Variants in SORCS2 observed in about 807,000 individuals in gnomAD.
The protein encoded by SORCS2 is sortilin related VPS10 domain containing receptor 2.
Under a neutral mutation model 141.6 loss-of-function variants are expected in SORCS2, and 100 were observed. The ratio of observed to expected loss-of-function variants is 0.71; its 90% CI spans 0.60 to 0.83. SORCS2 has a LOEUF of 0.83. Ranked by LOEUF, SORCS2 falls within the 40% of genes least tolerant of loss-of-function variation. The pLI, the probability that SORCS2 is intolerant of heterozygous loss-of-function variation, is 0.00. For synonymous variants in SORCS2, 789 were observed against 676.9 expected (o/e 1.17, Z -2.57); for missense variants, 1,646 against 1,560.2 (o/e 1.05, Z -0.93).
chr4:7,379,765 T>A (rs1190519404), intron 1 of SORCS2, among the ~76,000 whole-genome samples: 4 of 152,218 alleles, frequency 2.6e-5, no homozygotes, highest in Admixed American at 6.5e-5. Context: ...GTTTGTCAGA[T>A]TTATTCCAAG....
At chr4:7,632,426 A>C (rs1719951829) in intron 3 of SORCS2, among the ~76,000 whole-genome samples, 1 of 152,198 alleles carries the variant, frequency 6.6e-6, no homozygotes, top group Non-Finnish European at 1.5e-5. Context: ...TCCGCCTGGC[A>C]CGATGCTAAT....
intron 1 of SORCS2, among the ~76,000 whole-genome samples, chr4:7,280,246 C>T (rs1202672694): frequency 6.6e-6 from 1 of 152,048 alleles, no homozygotes; most frequent in Non-Finnish European, 1.5e-5. Flanking sequence ...CAGGAAATCA[C>T]ACGTGGATTT....
chr4:7,545,714 G>T (rs1172915642), intron 3 of SORCS2, among the ~76,000 whole-genome samples: 1 of 152,232 alleles, frequency 6.6e-6, no homozygotes, highest in East Asian at 1.9e-4. Context: ...GCCCTGGAGA[G>T]CCTGGTGTTT....
chr4:7,706,593 G>A, intron 14 of SORCS2, among the ~76,000 whole-genome samples: 1 of 143,144 alleles, frequency 7.0e-6, no homozygotes, highest in Non-Finnish European at 1.5e-5. Flanking sequence ...GTCTGGGCAG[G>A]GATGAGGCTG....
In SORCS2 at chr4:7,286,408, G is replaced by T. The variant is rs768615466; in HGVS notation, c.480+93282G>T. On this transcript the variant is annotated intron_variant, in intron 1 of 26. Coordinates refer to ENST00000507866, the MANE Select transcript of SORCS2 (RefSeq NM_020777.3). This position sits in a 1 kb window ranked among gnomAD's most constrained non-coding sequence, Gnocchi z 4.1. The stretch of plus-strand genomic sequence containing the variant: ...TTGGCCAGAACGGAGCAGGGTGTGG[G>T]CGAAGGGAGACGTCCTGGAAGGCAG... 6.6e-6 allele frequency among the ~76,000 whole-genome samples: 1 copy of T among 152,190 alleles called. No homozygotes were observed. The highest frequency in any genetic ancestry group is 2.4e-5 in the African/African-American group (1 of 41,448).
intron 2 of SORCS2, among the ~76,000 whole-genome samples, chr4:7,516,914 T>C (rs6829196): frequency 0.98 from 149,669 of 152,310 alleles, 73,585 homozygotes; most frequent in East Asian, 1. Context: ...ATTCACAGCT[T>C]GGGAGCCAGG....
At chr4:7,524,840 G>C (rs749002064) in intron 2 of SORCS2, among the ~76,000 whole-genome samples, 2 of 151,862 alleles carry the variant, frequency 1.3e-5, no homozygotes, top group Non-Finnish European at 2.9e-5. Flanking sequence ...CACGATCCAA[G>C]AGTCTGAACT....
chr4:7,393,271 C>T (rs1455321473), intron 1 of SORCS2, among the ~76,000 whole-genome samples: 3 of 152,072 alleles, frequency 2.0e-5, no homozygotes, highest in Non-Finnish European at 4.4e-5. Context: ...TGGCAATGGC[C>T]GGAGCTGTGT....
Position 7,456,392 on chromosome 4 carries a change from C to G in SORCS2, c.548+60037C>G, listed in dbSNP as rs536736362. 5.9e-5 allele frequency among the ~76,000 whole-genome samples: 9 copies of G among 152,294 alleles called. 1 individual carries two copies. In the South Asian group the frequency reaches 1.9e-3, roughly 32 times the overall value. ...AAATCACAGCCACCAAAGAGTTGGTCTCTGTTTCACATTCAGGACAAGCTG... is the reference window on the plus strand; with the variant it reads ...AAATCACAGCCACCAAAGAGTTGGTGTCTGTTTCACATTCAGGACAAGCTG... On this transcript the variant is annotated intron_variant, in intron 2 of 26. Coordinates refer to ENST00000507866, the MANE Select transcript of SORCS2 (RefSeq NM_020777.3).
intron 26 of SORCS2, 28 bp downstream of exon 26, chr4:7,737,200 A>C (rs1216489966): frequency 1.3e-6 from 2 of 1,550,000 alleles, no homozygotes; most frequent in Non-Finnish European, 1.7e-6. Flanking sequence ...GATGATCTCG[A>C]CTCGCAGACT....
chr4:7,296,939 C>T (rs536132626), intron 1 of SORCS2, among the ~76,000 whole-genome samples: 5 of 152,300 alleles, frequency 3.3e-5, no homozygotes, highest in African/African-American at 1.2e-4. Context: ...GTCCGAGGTG[C>T]CCAGGCCAGC....
intron 2 of SORCS2, among the ~76,000 whole-genome samples, chr4:7,457,592 C>A (rs1015851357): frequency 8.6e-5 from 13 of 151,576 alleles, no homozygotes; most frequent in African/African-American, 3.2e-4. Context: ...GGGCCTGGTT[C>A]ACACCAGGGA....
Position 7,741,635 on chromosome 4 carries a change from G to A in SORCS2, c.*1371G>A, listed in dbSNP as rs535812407. On this transcript the variant is annotated 3_prime_UTR_variant, in exon 27 of 27. Coordinates refer to ENST00000507866, the MANE Select transcript of SORCS2 (RefSeq NM_020777.3). ...AATCCCAATGAGGGTCCCTCTCAGA[G>A]CGGGAGAACGCCAGAGCCCTGGATG... is the stretch of plus-strand genomic sequence containing the variant. The A allele has an allele frequency of 2.9e-4, 48 of 166,830 alleles. 1 individual carries two copies. Among genetic ancestry groups the A allele is most frequent in the South Asian group, 1.2e-3 (5 of 4,328 alleles). 10.3% of individuals were successfully genotyped at this position (166,830 alleles called of 1,614,324 possible).
chr4:7,695,261 T>G (rs963271952), intron 11 of SORCS2, among the ~76,000 whole-genome samples: 5 of 117,874 alleles, frequency 4.2e-5, no homozygotes, highest in Non-Finnish European at 8.6e-5. Flanking sequence ...GATGGTTAGA[T>G]GGATGGGTGG....
At chr4:7,274,099 C>T (rs1223148344) in intron 1 of SORCS2, among the ~76,000 whole-genome samples, 6 of 152,230 alleles carry the variant, frequency 3.9e-5, no homozygotes, top group African/African-American at 1.2e-4. Context: ...GCAATGTTCC[C>T]TCCTGTGACC....
At chr4:7,449,715 C>T (rs1053036289) in intron 2 of SORCS2, among the ~76,000 whole-genome samples, 3 of 152,088 alleles carry the variant, frequency 2.0e-5, no homozygotes, top group South Asian at 2.1e-4. Context: ...TGGAGGGAAG[C>T]GGCTTCTCAG....
At chr4:7,504,436 C>A (rs1273478439) in intron 2 of SORCS2, among the ~76,000 whole-genome samples, 1 of 152,120 alleles carries the variant, frequency 6.6e-6, no homozygotes, top group Non-Finnish European at 1.5e-5. Flanking sequence ...TGCACTGGGC[C>A]CTCGGATGCA....
At chr4:7,559,661 C>T (rs1714389465) in intron 3 of SORCS2, among the ~76,000 whole-genome samples, 1 of 152,182 alleles carries the variant, frequency 6.6e-6, no homozygotes, top group East Asian at 1.9e-4. Flanking sequence ...TGGGTCTGAG[C>T]CTGTCTTGCA....
Position 7,682,741 on chromosome 4 carries a change from A to C in SORCS2, c.1342-2A>C, listed in dbSNP as rs1723604641. The C allele has an allele frequency of 6.2e-7, 1 of 1,606,226 alleles. No individual in the cohort carries two copies. On this transcript the variant is annotated splice_acceptor_variant, in intron 9 of 26. Coordinates refer to ENST00000507866, the MANE Select transcript of SORCS2 (RefSeq NM_020777.3). LOFTEE classifies it high-confidence loss of function. ...ACAGTCCTTCTTTTATTTTTGTCCCAGGTCAGAGGGGTGAAAGGAGTCTTC... is the reference window on the plus strand; with the variant it reads ...ACAGTCCTTCTTTTATTTTTGTCCCCGGTCAGAGGGGTGAAAGGAGTCTTC...
Sources: allele counts gnomAD v4.1 joint callset (sites outside exome capture counted in the v4.1 genomes callset), GRCh38; gene constraint gnomAD v4.1.1; non-coding constraint Gnocchi (gnomAD v3.1); transcripts MANE v1.5; gene names NCBI Gene and HGNC (gene_info 2026-07-23, HGNC 2026-07-21).